Variants in MED23 observed in about 807,000 individuals in gnomAD.
The protein encoded by MED23 is mediator of RNA polymerase II transcription subunit 23.
MED23 carries 105 observed loss-of-function variants against 163.9 expected under a neutral mutation model. The observed-to-expected ratio is 0.64, with a 90% CI of 0.55 to 0.75. The LOEUF (loss-of-function observed/expected upper bound fraction) is 0.75. MED23 is among the 30% of genes least tolerant of loss of function. The pLI, the probability that MED23 is intolerant of heterozygous loss-of-function variation, is 0.00. For missense variants in MED23, 1,054 were observed against 1,649.0 expected (o/e 0.64, Z 6.25); for synonymous variants, 561 against 565.6 (o/e 0.99, Z 0.12).
chr6:131,592,478 G>C lies in MED23; in HGVS notation c.3399-18C>G, dbSNP rs200572270. 1 of 1,608,868 alleles carries C rather than the reference G, an allele frequency of 6.2e-7. No homozygotes were observed. Among genetic ancestry groups the C allele is most frequent in the Non-Finnish European group, 8.5e-7 (1 of 1,175,484 alleles). On this transcript the variant is annotated intron_variant, in intron 24 of 28. Transcript: ENST00000368068. ...AAGGCTGACTGCAACCGGCAAAAAA[G>C]AATGTAAGTATGAATTTATAAAAAC... is the stretch of plus-strand genomic sequence containing the variant.
chr6:131,616,644 C>A (rs1234665391), intron 9 of MED23, among the ~76,000 whole-genome samples: 2 of 152,022 alleles, frequency 1.3e-5, no homozygotes, highest in Non-Finnish European at 2.9e-5. Context: ...TATGGCAAAA[C>A]CCCATCTCTA....
chr6:131,600,124 A>T lies in MED23; in HGVS notation c.2134T>A (p.Cys712Ser). Residue 712 changes from cysteine (C) to serine (S), a missense_variant, in exon 18 of 29, where the codon TGT (cysteine) becomes AGT (serine). Physicochemically the swap from Cys to Ser is moderately radical, Grantham distance 112. This residue lies in a region of MED23 where 228 missense variants were observed against 461.3 expected (regional missense o/e 0.49). Transcript: ENST00000368068. ...TGSDSIQGTW[C>S]KDILQTIMSF... ...ATGATGGTCTGAAGTATGTCTTTAC[A>T]CCAAGTTCCCTGAATTGAATCAGAG... 6.2e-7 allele frequency: 1 copy of T among 1,613,104 alleles called. No individual in the cohort carries two copies. The highest frequency in any genetic ancestry group is 8.5e-7 in the Non-Finnish European group (1 of 1,179,102).
chr6:131,627,355 C>T (rs1562412003), intron 3 of MED23, 41 bp downstream of exon 3: 2 of 1,434,306 alleles, frequency 1.4e-6, no homozygotes, highest in East Asian at 2.4e-5. Context: ...AAGAAGAGGC[C>T]AAAAATCATC....
At chr6:131,592,285 A>G (rs1774700802) in intron 25 of MED23, 103 bp downstream of exon 25, 3 of 929,560 alleles carry the variant, frequency 3.2e-6, no homozygotes, top group Non-Finnish European at 5.3e-6. Context: ...AATTTGCATG[A>G]CGTCCCGTAC....
intron 12 of MED23, 101 bp downstream of exon 12, chr6:131,607,827 T>C: frequency 7.5e-7 from 1 of 1,333,188 alleles, no homozygotes; most frequent in South Asian, 1.2e-5. Flanking sequence ...TGATTTAGCA[T>C]AAACTTTAGA....
At chr6:131,620,091 A>G (rs1359016381) in intron 7 of MED23, among the ~76,000 whole-genome samples, 195 bp from the exon 8 acceptor site, 1 of 152,176 alleles carries the variant, frequency 6.6e-6, no homozygotes, top group African/African-American at 2.4e-5. Context: ...CCTTAATTAA[A>G]CCAAGTCACA....
intron 22 of MED23, 44 bp from the exon 23 acceptor site, chr6:131,594,379 T>C: frequency 2.8e-6 from 4 of 1,430,750 alleles, no homozygotes; most frequent in Non-Finnish European, 3.0e-6. Context: ...AACTGGTTAC[T>C]AATAACTGTG....
At chr6:131,627,338 A>T (rs1316324159) in intron 3 of MED23, 58 bp downstream of exon 3, 6 of 1,265,946 alleles carry the variant, frequency 4.7e-6, no homozygotes, top group Non-Finnish European at 6.7e-6. Context: ...AGAAAAAAAA[A>T]AAAAAAAAGA....
chr6:131,593,968 A>G, intron 23 of MED23, 131 bp downstream of exon 23: 1 of 713,194 alleles, frequency 1.4e-6, no homozygotes, highest in Non-Finnish European at 2.3e-6. Context: ...TACAGAGATG[A>G]AAATGGAAGT....
At chr6:131,586,184 G>C (rs1224272725), downstream of MED23, among the ~76,000 whole-genome samples, 2 of 152,092 alleles carry the variant, frequency 1.3e-5, no homozygotes, top group Non-Finnish European at 2.9e-5. Context: ...CACGAGGTCA[G>C]GAGATTGAGA....
chr6:131,596,259 C>T lies in MED23; in HGVS notation c.2779-96G>A, dbSNP rs1775039914. Reference sequence around the variant, plus strand: ...AAAACATTGTTTAGATTTTTTTTTGCAAGGAAACATTTAAAATTATACTTG... The same window carrying T: ...AAAACATTGTTTAGATTTTTTTTTGTAAGGAAACATTTAAAATTATACTTG... On this transcript the variant is annotated intron_variant, in intron 21 of 28. Transcript: ENST00000368068. 6.9e-6 allele frequency: 8 copies of T among 1,163,806 alleles called. No homozygotes were observed. In the South Asian group the frequency reaches 9.2e-5, roughly 13 times the overall value. The allele number at this position is 1,163,806 out of a possible 1,614,324, so 72.1% of individuals were successfully genotyped here. A position where few individuals can be genotyped will look rare whatever the true frequency, so the allele number is the denominator to read the frequency against.
At chr6:131,583,085 A>C (rs1774019249), downstream of MED23, 1 of 1,613,312 alleles carries the variant, frequency 6.2e-7, no homozygotes, top group Non-Finnish European at 8.5e-7. Context: ...TCTAGGCATT[A>C]AATACTTTTC....
chr6:131,616,862 C>T (rs1485918601), intron 9 of MED23, among the ~76,000 whole-genome samples: 1 of 151,998 alleles, frequency 6.6e-6, no homozygotes, highest in South Asian at 2.1e-4. Flanking sequence ...TAGAAAGTGA[C>T]ATTAAAAACA....
At chr6:131,615,845 A>G (rs1038372381) in intron 10 of MED23, 62 bp downstream of exon 10, 1 of 1,246,370 alleles carries the variant, frequency 8.0e-7, no homozygotes, top group Admixed American at 1.7e-5. Flanking sequence ...TAGCAAAGAA[A>G]AGAGAAAAGA....
At chr6:131,602,418 T>C (rs1181808977) in intron 16 of MED23, 37 bp from the exon 17 acceptor site, 1 of 1,590,684 alleles carries the variant, frequency 6.3e-7, no homozygotes, top group Non-Finnish European at 8.6e-7. Context: ...TGTAAAAAAA[T>C]TTCAGAATTA....
intron 25 of MED23, chr6:131,592,097 A>G (rs1774686740): frequency 2.3e-6 from 1 of 438,054 alleles, no homozygotes; most frequent in East Asian, 4.4e-5. Flanking sequence ...GGCCAAGAGT[A>G]GATCAAGCTA....
intron 23 of MED23, among the ~76,000 whole-genome samples, chr6:131,593,808 A>T (rs534565480): frequency 2.6e-5 from 4 of 152,154 alleles, no homozygotes; most frequent in Admixed American, 2.0e-4. Flanking sequence ...ATAGTATGTA[A>T]GAATAAGATT....
chr6:131,581,445 G>A lies in MED23; in HGVS notation c.4095+6264C>T, dbSNP rs565522175. ...TAGTAGACATTCAGGAGGTGGAAGG[G>A]AAATGAGAAACTCCATGTTATCTTA... On this transcript the variant is annotated intron_variant, in intron 30 of 30. Transcript: ENST00000354577. 50 of 1,486,374 alleles carry A rather than the reference G, an allele frequency of 3.4e-5. No homozygotes were observed. The East Asian group carries it at 7.3e-4, about 22-fold the overall frequency. 92.1% of individuals were successfully genotyped at this position (1,486,374 alleles called of 1,614,324 possible). A position where few individuals can be genotyped will look rare whatever the true frequency, so the allele number is the denominator to read the frequency against.
In MED23 at chr6:131,587,500, TAGGGAGATGGGAGTTATA is replaced by T; in HGVS notation, c.*161_*178del. On this transcript the variant is annotated 3_prime_UTR_variant, in exon 29 of 29. Coordinates refer to ENST00000368068, the MANE Select transcript of MED23 (RefSeq NM_004830.4). ...GATCTCTTAGAGACAAAAATATAGA[TAGGGAGATGGGAGTTATA>T]AGGTGTCAACAGATTCATCATTTGA... 6.9e-7 allele frequency: 1 copy of T among 1,439,108 alleles called. No homozygotes were observed. The highest frequency in any genetic ancestry group is 9.1e-7 in the Non-Finnish European group (1 of 1,099,834). 89.1% of individuals were successfully genotyped at this position (1,439,108 alleles called of 1,614,324 possible).
Sources: allele counts gnomAD v4.1 joint callset (sites outside exome capture counted in the v4.1 genomes callset), GRCh38; gene constraint gnomAD v4.1.1; regional missense constraint gnomAD v4.1.1; transcripts MANE v1.5; gene names NCBI Gene and HGNC (gene_info 2026-07-23, HGNC 2026-07-21).